ASIC2: variants seen among roughly 807,000 people sequenced by gnomAD.
ASIC2 encodes acid sensing ion channel subunit 2.
A neutral mutation model predicts 57.3 loss-of-function variants in ASIC2; 25 were observed. That is an observed-to-expected ratio of 0.44 (90% CI 0.32 to 0.61). The LOEUF (loss-of-function observed/expected upper bound fraction) is 0.61. Ranked by LOEUF, ASIC2 falls within the 20% of genes least tolerant of loss-of-function variation. ASIC2 has a pLI of 0.06. For synonymous variants in ASIC2, 319 were observed against 307.5 expected, an observed-to-expected ratio of 1.04 and a Z score of -0.39; for missense variants, 641 against 738.1, an observed-to-expected ratio of 0.87 and a Z score of 1.52.
intron 1 of ASIC2, among the ~76,000 whole-genome samples, chr17:33,279,200 CCTCT>C (rs1238365824): frequency 6.6e-6 from 1 of 152,118 alleles, no homozygotes; most frequent in African/African-American, 2.4e-5. Flanking sequence ...AGCAGGGCTC[CCTCT>C]CTCTTTCTGC....
At chr17:33,671,680 TAGTA>T (rs1907643694) in intron 1 of ASIC2, among the ~76,000 whole-genome samples, 1 of 152,154 alleles carries the variant, frequency 6.6e-6, no homozygotes. Flanking sequence ...AGGCTACAAT[TAGTA>T]AGTACATCTT....
chr17:34,124,597 G>A (rs1253304791), intron 1 of ASIC2, among the ~76,000 whole-genome samples: 2 of 152,022 alleles, frequency 1.3e-5, no homozygotes, highest in African/African-American at 2.4e-5. Flanking sequence ...GTGGCTTAAG[G>A]AAAAATAAAC....
intron 1 of ASIC2, among the ~76,000 whole-genome samples, chr17:33,172,082 T>C (rs1905542600): frequency 6.6e-6 from 1 of 152,252 alleles, no homozygotes; most frequent in Non-Finnish European, 1.5e-5. Flanking sequence ...AGTTTGAAAC[T>C]GAATGATAGG....
At chr17:33,311,782 T>C (rs1053829269) in intron 1 of ASIC2, among the ~76,000 whole-genome samples, 2 of 152,232 alleles carry the variant, frequency 1.3e-5, no homozygotes, top group African/African-American at 4.8e-5. Flanking sequence ...GGCTTCTTTC[T>C]TAACCCTGCT....
At chr17:33,057,525 AACAT>A (rs1202091704) in intron 3 of ASIC2, among the ~76,000 whole-genome samples, 1 of 152,260 alleles carries the variant, frequency 6.6e-6, no homozygotes, top group Non-Finnish European at 1.5e-5. Flanking sequence ...GATGCTGGAT[AACAT>A]CTTTGCAGGG....
At chr17:33,639,561 C>T (rs1170321107) in intron 1 of ASIC2, among the ~76,000 whole-genome samples, 3 of 152,038 alleles carry the variant, frequency 2.0e-5, no homozygotes, top group Admixed American at 6.5e-5. Context: ...GGAACTGCCC[C>T]GAGGAGCTGC....
At chr17:33,456,217 C>T (rs1912447723) in intron 1 of ASIC2, among the ~76,000 whole-genome samples, 1 of 152,158 alleles carries the variant, frequency 6.6e-6, no homozygotes, top group African/African-American at 2.4e-5. Flanking sequence ...ATTTCCCAGG[C>T]TTTGCTGAGT....
At chr17:34,039,578 T>C (rs1908025809) in intron 1 of ASIC2, 26 of 1,613,860 alleles carry the variant, frequency 1.6e-5, no homozygotes, top group Non-Finnish European at 2.1e-5. Flanking sequence ...CTGCCAGGGC[T>C]GGTTCCCGGC....
intron 1 of ASIC2, among the ~76,000 whole-genome samples, chr17:33,729,307 C>A (rs1165487007): frequency 6.6e-6 from 1 of 152,098 alleles, no homozygotes; most frequent in Non-Finnish European, 1.5e-5. Flanking sequence ...CTTGTGGAAA[C>A]TCAGAGCGAG....
At chr17:33,251,596 G>C (rs1908886717) in intron 1 of ASIC2, among the ~76,000 whole-genome samples, 1 of 152,148 alleles carries the variant, frequency 6.6e-6, no homozygotes, top group East Asian at 1.9e-4. Context: ...CTAAAGTGCG[G>C]GGATTACAAG....
intron 1 of ASIC2, among the ~76,000 whole-genome samples, chr17:33,142,150 C>T (rs1904341767): frequency 6.6e-6 from 1 of 152,280 alleles, no homozygotes; most frequent in South Asian, 2.1e-4. Context: ...GAGCTCCATA[C>T]ATAGTAATTA....
intron 1 of ASIC2, among the ~76,000 whole-genome samples, chr17:34,034,069 TTTA>T (rs1373975501): frequency 6.6e-6 from 1 of 152,114 alleles, no homozygotes; most frequent in East Asian, 1.9e-4. Flanking sequence ...AAAAGAGAAT[TTTA>T]GACCAATATC....
At chr17:33,188,273 A>G (rs1182497327) in intron 1 of ASIC2, among the ~76,000 whole-genome samples, 2 of 152,180 alleles carry the variant, frequency 1.3e-5, no homozygotes, top group Non-Finnish European at 2.9e-5. Flanking sequence ...ATCCAGAATG[A>G]TACACAAAGT....
At chr17:33,616,610 T>A (rs1289679529) in intron 1 of ASIC2, among the ~76,000 whole-genome samples, 1 of 152,228 alleles carries the variant, frequency 6.6e-6, no homozygotes, top group Non-Finnish European at 1.5e-5. Flanking sequence ...TTTCAGTTAA[T>A]AACTGGACAT....
chr17:34,012,879 G>A (rs948112931), intron 1 of ASIC2, among the ~76,000 whole-genome samples: 1 of 152,210 alleles, frequency 6.6e-6, no homozygotes, highest in East Asian at 1.9e-4. Flanking sequence ...TCAAGCGCTA[G>A]TGTGGGTTCC....
intron 1 of ASIC2, among the ~76,000 whole-genome samples, chr17:33,333,164 T>C (rs1489475533): frequency 1.3e-5 from 2 of 152,214 alleles, no homozygotes; most frequent in Non-Finnish European, 2.9e-5. Context: ...CCTTTGTTTG[T>C]TTGTTTTTAA....
At chr17:33,311,366 G>A (rs1225998386) in intron 1 of ASIC2, among the ~76,000 whole-genome samples, 1 of 152,006 alleles carries the variant, frequency 6.6e-6, no homozygotes, top group Admixed American at 6.6e-5. Context: ...ACCACCCCAT[G>A]TACATTCTGG....
intron 1 of ASIC2, among the ~76,000 whole-genome samples, chr17:33,892,780 C>T (rs1228256031): frequency 2.0e-5 from 3 of 152,148 alleles, no homozygotes; most frequent in Non-Finnish European, 2.9e-5. Context: ...GGAGTACTAC[C>T]TACATGTTTT....
At chr17:33,537,534 G>A (rs968678980) in intron 1 of ASIC2, among the ~76,000 whole-genome samples, 3 of 152,168 alleles carry the variant, frequency 2.0e-5, no homozygotes, top group Admixed American at 6.5e-5. Context: ...CTCAGTGCAC[G>A]AACTGGTGTC....
Sources: allele counts gnomAD v4.1 joint callset (sites outside exome capture counted in the v4.1 genomes callset), GRCh38; gene constraint gnomAD v4.1.1; transcripts MANE v1.5; gene names NCBI Gene and HGNC (gene_info 2026-07-23, HGNC 2026-07-21).